The following GRIP2 variants were observed in gnomAD, a reference collection of about 807,000 sequenced individuals.
GRIP2 encodes the protein glutamate receptor-interacting protein 2.
In GRIP2, 58 loss-of-function variants were observed where a neutral mutation model predicts 108.3. That is an observed-to-expected ratio of 0.54 (90% CI 0.43 to 0.67). The LOEUF (loss-of-function observed/expected upper bound fraction) is 0.67, where lower values mean the gene tolerates loss of function less well. Ranked by LOEUF, GRIP2 falls within the 30% of genes least tolerant of loss-of-function variation. The pLI is 0.00. For missense variants in GRIP2, 1,278 were observed against 1,430.6 expected (o/e 0.89, Z 1.72); for synonymous variants, 586 against 598.2 (o/e 0.98, Z 0.30).
At chr3:14,536,102 A>C (rs562932077) in intron 1 of GRIP2, among the ~76,000 whole-genome samples, 2 of 152,358 alleles carry the variant, frequency 1.3e-5, no homozygotes, top group South Asian at 4.1e-4. Context: ...GAAATGCATC[A>C]ATACATTTAA....
chr3:14,596,916 A>AT, the GRIP2 span, among the ~76,000 whole-genome samples: 5 of 152,006 alleles, frequency 3.3e-5, no homozygotes, highest in Admixed American at 1.3e-4. Context: ...GATTTTTTAA[A>AT]TTTTTTTGTA....
rs1410431235 is a variant in GRIP2 at position 14,511,771 on chromosome 3, C to G, written c.1721-292G>C. 6.6e-6 allele frequency among the ~76,000 whole-genome samples: 1 copy of G among 152,228 alleles called. No individual in the cohort carries two copies. The highest frequency in any genetic ancestry group is 1.5e-5 in the Non-Finnish European group (1 of 68,044). On this transcript the variant is annotated intron_variant, in intron 14 of 23. Transcript: ENST00000621039. This position sits in a 1 kb window ranked among gnomAD's most constrained non-coding sequence, Gnocchi z 4.1. ...TTCCAATGCCAGCTCTTCTTTCCTC[C>G]TGCTCAGCCCATCCCCCAGCAAACT...
chr3:14,540,448 C>T (rs542863008), upstream of GRIP2: 239 of 1,563,188 alleles, frequency 1.5e-4, no homozygotes, highest in South Asian at 6.4e-4. The surrounding 1 kb of genome is among the most constrained non-coding windows in gnomAD (Gnocchi z 4.1). Flanking sequence ...CCCACTGCAG[C>T]GGGCGGCTCT....
chr3:14,507,715 C>T lies in GRIP2; in HGVS notation c.2079-15G>A. ...TGGCACCAGTCCTGAGGAGTGGATGCAGGGCAGAGAATGGGAGTTAGACAC... is the reference window on the plus strand; with the variant it reads ...TGGCACCAGTCCTGAGGAGTGGATGTAGGGCAGAGAATGGGAGTTAGACAC... On this transcript the variant is annotated splice_polypyrimidine_tract_variant and intron_variant, in intron 17 of 23. Transcript: ENST00000621039. This position sits in a 1 kb window ranked among gnomAD's most constrained non-coding sequence, Gnocchi z 4.6. The T allele has an allele frequency of 2.5e-6, 4 of 1,610,876 alleles. No homozygotes were observed. Among genetic ancestry groups the T allele is most frequent in the Non-Finnish European group, 3.4e-6 (4 of 1,177,324 alleles).
At chr3:14,494,813 C>G (rs1397199545) in intron 23 of GRIP2, 30 bp downstream of exon 23, 1 of 1,598,996 alleles carries the variant, frequency 6.3e-7, no homozygotes, top group East Asian at 2.2e-5. Flanking sequence ...CAATGCCACC[C>G]CCACTATGGA....
rs374403093 is a variant in GRIP2 at position 14,513,718 on chromosome 3, C to T, written c.1586G>A (p.Arg529Gln). ...GTMEEANQLLRDAALAHKVVL... is the reference protein window; with the variant it reads ...GTMEEANQLLQDAALAHKVVL... ...GACCTTGTGGGCCAGTGCGGCGTCC[C>T]GCAGGAGCTGGTTGGCTTCCTCCAT... Residue 529 changes from arginine (R) to glutamine (Q), a missense_variant, in exon 13 of 24, where the codon CGG becomes CAG. Transcript: ENST00000621039. 4.3e-6 allele frequency: 7 copies of T among 1,610,474 alleles called. No homozygotes were observed. Among genetic ancestry groups the T allele is most frequent in the Non-Finnish European group, 5.1e-6 (6 of 1,178,696 alleles).
chr3:14,562,772 A>G, the GRIP2 span, among the ~76,000 whole-genome samples: 319 of 152,110 alleles, frequency 2.1e-3, 2 homozygotes, highest in African/African-American at 7.4e-3. Context: ...GACAGGTCTC[A>G]GCATCGCCCA....
chr3:14,558,066 G>A (rs539429927), upstream of GRIP2, among the ~76,000 whole-genome samples: 4 of 152,224 alleles, frequency 2.6e-5, no homozygotes, highest in South Asian at 8.3e-4. Context: ...CCAGTGAGGT[G>A]AAGGCAGGAA....
Position 14,493,675 on chromosome 3 carries a change from C to G in GRIP2, c.3122G>C (p.Arg1041Pro). The G allele has an allele frequency of 6.2e-7, 1 of 1,602,192 alleles. No homozygotes were observed. Among genetic ancestry groups the G allele is most frequent in the Non-Finnish European group, 8.5e-7 (1 of 1,174,736 alleles). The stretch of plus-strand genomic sequence containing the variant: ...GCCCACATGCTGACTTCAGAGCATC[C>G]GGGGACTGCTGGGGCCTGGCGATCG... ...APRSPGPSSP[R>P]ML The change falls in exon 24 of 24, where the codon CGG (arginine) becomes CCG (proline). Residue 1041 changes from arginine (R) to proline (P), a missense_variant. Transcript: ENST00000621039.
chr3:14,537,893 C>T (rs925725541), intron 1 of GRIP2, among the ~76,000 whole-genome samples: 5 of 152,226 alleles, frequency 3.3e-5, no homozygotes, highest in African/African-American at 9.6e-5. Context: ...TCAGAGCAGG[C>T]CTCCCGTCCT....
the GRIP2 span, among the ~76,000 whole-genome samples, chr3:14,572,511 C>T: frequency 3.5e-5 from 5 of 142,374 alleles, no homozygotes; most frequent in East Asian, 1.1e-3. Flanking sequence ...ACTTGGGAGG[C>T]TGAGGCAGGA....
chr3:14,510,110 G>C, intron 16 of GRIP2, 146 bp from the exon 17 acceptor site: 1 of 676,664 alleles, frequency 1.5e-6, no homozygotes, highest in Non-Finnish European at 2.1e-6. Flanking sequence ...ACAACCTGGG[G>C]ACCCTGAGGC....
chr3:14,586,700 T>C, the GRIP2 span, among the ~76,000 whole-genome samples: 4 of 152,304 alleles, frequency 2.6e-5, no homozygotes, highest in Admixed American at 6.5e-5. Flanking sequence ...GGAAAGCCTA[T>C]ATGAATTGCA....
rs1459166330 is a variant in GRIP2, at chr3:14,525,500, C to G, written c.194G>C (p.Gly65Ala). Residue 65 changes from glycine to alanine, a missense_variant, in exon 3 of 24, where the codon GGT becomes GCT. By Grantham distance (60) the Gly-to-Ala change is moderately conservative. Coordinates refer to ENST00000621039, the MANE Select transcript of GRIP2 (RefSeq NM_001080423.4). ...EGSTLGLTIS[G>A]GTDKDGKPRV... ...GGGCTTTCCATCCTTGTCGGTGCCA[C>G]CTGAGATAGTCAGGCCCAGCGTGCT... The G allele has an allele frequency of 6.2e-7, 1 of 1,613,764 alleles. No homozygotes were observed. The highest frequency in any genetic ancestry group is 1.1e-5 in the South Asian group (1 of 91,074).
At chr3:14,553,501 T>A (rs531826425) in intron 1 of GRIP2, among the ~76,000 whole-genome samples, 1 of 152,254 alleles carries the variant, frequency 6.6e-6, no homozygotes, top group African/African-American at 2.4e-5. Context: ...GAGTCTCTTT[T>A]GACCTCTCTC....
At chr3:14,498,062 C>T (rs1373445549) in intron 21 of GRIP2, among the ~76,000 whole-genome samples, 3 of 152,192 alleles carry the variant, frequency 2.0e-5, no homozygotes, top group African/African-American at 7.2e-5. Context: ...TCCTTCTACC[C>T]ATCACAGTAT....
chr3:14,503,846 T>G, intron 20 of GRIP2, 175 bp from the exon 21 acceptor site: 1 of 598,458 alleles, frequency 1.7e-6, no homozygotes, highest in Non-Finnish European at 3.0e-6. Flanking sequence ...GGGCAGTGGT[T>G]GGTGACACGG....
chr3:14,517,111 G>C lies in GRIP2; in HGVS notation c.1259C>G (p.Thr420Ser). ...PRGSQPMSPR[T>S]TMGRRRQRRR... ...TCGCTGCCTCCTCCGCCCCATTGTA[G>C]TTCGAGGACTCATGGGCTGGGATCC... is the stretch of plus-strand genomic sequence containing the variant. Residue 420 changes from threonine (T) to serine (S), a missense_variant, in exon 11 of 24, where the codon ACT becomes AGT. Transcript: ENST00000621039. 1 of 1,609,128 alleles carries C rather than the reference G, an allele frequency of 6.2e-7. No homozygotes were observed. The highest frequency in any genetic ancestry group is 1.3e-5 in the African/African-American group (1 of 74,686).
chr3:14,489,996 T>C lies in GRIP2; in HGVS notation c.*3669A>G, dbSNP rs1701295775. 6.6e-6 allele frequency: 1 copy of C among 152,046 alleles called. No homozygotes were observed. Among genetic ancestry groups the C allele is most frequent in the South Asian group, 2.1e-4 (1 of 4,822 alleles). The allele number at this position is 152,046 out of a possible 1,614,324, so 9.4% of individuals were successfully genotyped here. ...CCTTTGGGATGGACAAACTCGGGAG[T>C]CAGTTGAGCCCTTTGCCCAACTAAC... On this transcript the variant is annotated 3_prime_UTR_variant, in exon 24 of 24. Coordinates refer to ENST00000621039, the MANE Select transcript of GRIP2 (RefSeq NM_001080423.4).
Sources: gnomAD v4.1 joint callset for allele counts (sites outside exome capture counted in the v4.1 genomes callset) on GRCh38, gnomAD v4.1.1 for gene constraint, Gnocchi (gnomAD v3.1) non-coding constraint, MANE v1.5 for transcripts, NCBI Gene and HGNC (gene_info 2026-07-23, HGNC 2026-07-21) for gene names.